ARHGEF18: variants seen among roughly 807,000 people sequenced by gnomAD.
The protein encoded by ARHGEF18 is rho guanine nucleotide exchange factor 18.
ARHGEF18 carries 93 observed loss-of-function variants against 155.7 expected under a neutral mutation model. The ratio of observed to expected loss-of-function variants is 0.60; its 90% CI spans 0.50 to 0.71. The LOEUF (loss-of-function observed/expected upper bound fraction) is 0.71, where lower values mean the gene tolerates loss of function less well. Among genes scored for constraint, ARHGEF18 ranks in the 30% least tolerant of loss-of-function variants. ARHGEF18 has a pLI of 0.00. For synonymous variants in ARHGEF18, 742 were observed against 753.1 expected, an observed-to-expected ratio of 0.99 and a Z score of 0.24; for missense variants, 1,593 against 1,816.1, an observed-to-expected ratio of 0.88 and a Z score of 2.23.
intron 2 of ARHGEF18, among the ~76,000 whole-genome samples, chr19:7,372,193 C>T (rs1970236792): frequency 1.3e-5 from 2 of 152,194 alleles, no homozygotes; most frequent in South Asian, 4.1e-4. Context: ...AATTCCTGTC[C>T]TGCAGATCCT....
intron 10 of ARHGEF18, among the ~76,000 whole-genome samples, chr19:7,416,578 T>TGTGTGTGTGTGTGTGTG (rs1555714166): frequency 1.5e-5 from 2 of 132,502 alleles, no homozygotes; most frequent in South Asian, 2.4e-4. Context: ...TGTGTGTGTG[T>TGTGTGTGTGTGTGTGTG]TTTGGGGTGG....
At position 7,365,939 on chromosome 19, in the gene ARHGEF18, G is replaced by A. The variant is rs567606550; in HGVS notation, c.15+3034G>A. On this transcript the variant is annotated intron_variant, in intron 2 of 28. Coordinates refer to ENST00000668164, the MANE Select transcript of ARHGEF18 (RefSeq NM_001367823.1). ...ATCCAAGCCCATCTCTGCTCTGCAA[G>A]CTGAACACATATGTATTTTTTTTTG... 5.3e-5 allele frequency among the ~76,000 whole-genome samples: 8 copies of A among 152,194 alleles called. No individual in the cohort carries two copies. The East Asian group carries it at 1.5e-3, about 29-fold the overall frequency.
intron 10 of ARHGEF18, among the ~76,000 whole-genome samples, chr19:7,434,505 G>C (rs535066911): frequency 2.0e-5 from 3 of 152,172 alleles, no homozygotes; most frequent in Non-Finnish European, 4.4e-5. Context: ...CAGCGGGCCA[G>C]GTGCTCACTA....
chr19:7,434,089 C>T (rs1394222807), intron 10 of ARHGEF18, among the ~76,000 whole-genome samples: 1 of 150,966 alleles, frequency 6.6e-6, no homozygotes, highest in African/African-American at 2.4e-5. Context: ...CAGGTGGGAT[C>T]CTGACACCTG....
rs186453272 is a variant in ARHGEF18 at position 7,460,528 on chromosome 19, G to A, written c.2452+534G>A. Among the ~76,000 whole-genome samples the A allele has an allele frequency of 3.4e-4, 50 of 147,468 alleles. No individual in the cohort carries two copies. The East Asian group carries it at 9.6e-3, about 28-fold the overall frequency. ...TCCCACCACCCCAGAAAGAAGCCCC[G>A]TCCCCCTTAACAGTCACTCCCCACC... On this transcript the variant is annotated intron_variant, in intron 20 of 28. Coordinates refer to ENST00000668164, the MANE Select transcript of ARHGEF18 (RefSeq NM_001367823.1).
intron 26 of ARHGEF18, 150 bp downstream of exon 26, chr19:7,467,834 A>G: frequency 1.3e-6 from 1 of 762,704 alleles, no homozygotes; most frequent in South Asian, 2.1e-5. Flanking sequence ...TTAACAGCTC[A>G]TGCCGCAGTA....
chr19:7,478,633 T>C, the ARHGEF18 span, among the ~76,000 whole-genome samples: 4 of 152,244 alleles, frequency 2.6e-5, no homozygotes, highest in Non-Finnish European at 5.9e-5. Flanking sequence ...GCCCAGCCTC[T>C]GCAAACCACT....
chr19:7,461,031 C>CAT (rs1976216533), intron 20 of ARHGEF18, among the ~76,000 whole-genome samples: 1 of 151,840 alleles, frequency 6.6e-6, no homozygotes, highest in Non-Finnish European at 1.5e-5. Context: ...TCGTGATCTG[C>CAT]CTGCCTCGGC....
intron 2 of ARHGEF18, among the ~76,000 whole-genome samples, chr19:7,364,041 AAATGAATG>A (rs140908881): frequency 6.7e-5 from 10 of 148,644 alleles, no homozygotes; most frequent in South Asian, 2.1e-4. Context: ...GAGGATGGAT[AAATGAATG>A]AATGAAGGAA....
chr19:7,408,696 G>A (rs1972484008), intron 10 of ARHGEF18, among the ~76,000 whole-genome samples: 1 of 152,202 alleles, frequency 6.6e-6, no homozygotes, highest in African/African-American at 2.4e-5. Flanking sequence ...ATCTGTTGTG[G>A]TATTTGCAAG....
intron 2 of ARHGEF18, among the ~76,000 whole-genome samples, chr19:7,363,273 T>TGGATGAC (rs1969707427): frequency 6.6e-6 from 1 of 151,380 alleles, no homozygotes; most frequent in Non-Finnish European, 1.5e-5. Context: ...GGTGGATGAA[T>TGGATGAC]GGATGACGGA....
rs1014020785 is a variant in ARHGEF18, at chr19:7,395,304, G to T, written c.967+12101G>T. 1 of 985,750 alleles carries T rather than the reference G, an allele frequency of 1.0e-6. No individual in the cohort carries two copies. The highest frequency in any genetic ancestry group is 1.2e-6 in the Non-Finnish European group (1 of 830,186). 61.1% of individuals were successfully genotyped at this position (985,750 alleles called of 1,614,324 possible). A position where few individuals can be genotyped will look rare whatever the true frequency, so the allele number is the denominator to read the frequency against. ...AACGGGGCTCAGGAGGGGGCCCTCG[G>T]TCTCTTCAGGGGGTGGCCTGGGGCG... is the stretch of plus-strand genomic sequence containing the variant. On this transcript the variant is annotated intron_variant, in intron 10 of 28. Coordinates refer to ENST00000668164, the MANE Select transcript of ARHGEF18 (RefSeq NM_001367823.1). This position sits in a 1 kb window ranked among gnomAD's most constrained non-coding sequence, Gnocchi z 5.0.
At position 7,395,383 on chromosome 19, in the gene ARHGEF18, A is replaced by T; in HGVS notation, c.967+12180A>T. On this transcript the variant is annotated intron_variant, in intron 10 of 28. Coordinates refer to ENST00000668164, the MANE Select transcript of ARHGEF18 (RefSeq NM_001367823.1). This position sits in a 1 kb window ranked among gnomAD's most constrained non-coding sequence, Gnocchi z 5.0. ...CCGCCGGCTCCTGGGGGACTTCTCC[A>T]GGCAGGCGAACGGGTGCTGGGGTGC... The T allele has an allele frequency of 2.2e-6, 2 of 915,008 alleles. No homozygotes were observed. Among genetic ancestry groups the T allele is most frequent in the Non-Finnish European group, 2.6e-6 (2 of 765,822 alleles). 56.7% of individuals were successfully genotyped at this position (915,008 alleles called of 1,614,324 possible).
intron 25 of ARHGEF18, 31 bp downstream of exon 25, chr19:7,467,149 T>C: frequency 6.3e-7 from 1 of 1,582,054 alleles, no homozygotes; most frequent in Non-Finnish European, 8.6e-7. Context: ...CGGCCACGCG[T>C]GCCCTTTCCT....
intron 15 of ARHGEF18, among the ~76,000 whole-genome samples, chr19:7,448,946 G>A (rs1377195057): frequency 6.6e-6 from 1 of 152,094 alleles, no homozygotes; most frequent in East Asian, 1.9e-4. Context: ...GCCTGGCCAG[G>A]ACTTGGTTCT....
At chr19:7,413,045 G>A (rs1387073241) in intron 10 of ARHGEF18, among the ~76,000 whole-genome samples, 1 of 152,106 alleles carries the variant, frequency 6.6e-6, no homozygotes, top group African/African-American at 2.4e-5. Flanking sequence ...ATTTCAGCCA[G>A]CGAATCAGGA....
At chr19:7,383,984 T>C (rs1970869606) in intron 10 of ARHGEF18, among the ~76,000 whole-genome samples, 1 of 152,114 alleles carries the variant, frequency 6.6e-6, no homozygotes, top group African/African-American at 2.4e-5. Context: ...GCTCTGGTCA[T>C]TGCCGGGATT....
chr19:7,468,819 C>G lies in ARHGEF18; in HGVS notation c.3481-6C>G. 1 of 1,542,026 alleles carries G rather than the reference C, an allele frequency of 6.5e-7. No individual in the cohort carries two copies. Among genetic ancestry groups the G allele is most frequent in the Non-Finnish European group, 8.8e-7 (1 of 1,139,190 alleles). The stretch of plus-strand genomic sequence containing the variant: ...ACATTGGATGTATCTGCTGTTGTCC[C>G]CTCAGGCCCAGCCCCCAAGCCACCC... On this transcript the variant is annotated splice_region_variant and splice_polypyrimidine_tract_variant and intron_variant, in intron 26 of 28. Coordinates refer to ENST00000668164, the MANE Select transcript of ARHGEF18 (RefSeq NM_001367823.1).
Position 7,459,337 on chromosome 19 carries a change from C to T in ARHGEF18, c.2361-566C>T, listed in dbSNP as rs567012321. ...CTGGGCTCAAGCCATCCTACCCCCT[C>T]GGCCTCCCAAGTAGCTTGAACTACA... On this transcript the variant is annotated intron_variant, in intron 19 of 28. Transcript: ENST00000668164. Among the ~76,000 whole-genome samples, 183 of 152,304 alleles carry T rather than the reference C, an allele frequency of 1.2e-3. 1 individual carries two copies. Among genetic ancestry groups the T allele is most frequent in the African/African-American group, 3.7e-3 (154 of 41,570 alleles).
Sources: allele counts gnomAD v4.1 joint callset (sites outside exome capture counted in the v4.1 genomes callset), GRCh38; gene constraint gnomAD v4.1.1; non-coding constraint Gnocchi (gnomAD v3.1); transcripts MANE v1.5; gene names NCBI Gene and HGNC (gene_info 2026-07-23, HGNC 2026-07-21).